The following METTL24 variants were observed in gnomAD, a reference collection of about 807,000 sequenced individuals.
METTL24 encodes methyltransferase like 24.
METTL24 carries 29 observed loss-of-function variants against 32.7 expected under a neutral mutation model. The observed-to-expected ratio is 0.89, with a 90% confidence interval of 0.66 to 1.21. The LOEUF (loss-of-function observed/expected upper bound fraction) is 1.21, where lower values mean the gene tolerates loss of function less well. Among genes scored for constraint, METTL24 ranks in the 50% most tolerant of loss-of-function variants. METTL24 has a pLI of 0.00. For synonymous variants in METTL24, 163 were observed against 179.5 expected (o/e 0.91, Z 0.73); for missense variants, 439 against 468.1 (o/e 0.94, Z 0.57).
chr6:110,262,188 T>G (rs146972933), intron 4 of METTL24, among the ~76,000 whole-genome samples: 10,883 of 152,142 alleles, frequency 0.072, 575 homozygotes, highest in African/African-American at 0.16. Context: ...GCTGGTTTTT[T>G]GAAAAGATCA....
intron 2 of METTL24, among the ~76,000 whole-genome samples, chr6:110,321,154 T>G (rs935043774): frequency 3.9e-5 from 6 of 152,088 alleles, no homozygotes; most frequent in African/African-American, 1.4e-4. Context: ...GGAGAACCAC[T>G]TGAACCTGGG....
chr6:110,253,838 A>T, intron 4 of METTL24: 1 of 1,370,966 alleles, frequency 7.3e-7, no homozygotes, highest in Non-Finnish European at 9.6e-7. Context: ...GACTATGAAT[A>T]TATTTCCATG....
chr6:110,269,957 A>G (rs987988534), intron 4 of METTL24, among the ~76,000 whole-genome samples: 12 of 152,188 alleles, frequency 7.9e-5, no homozygotes, highest in Admixed American at 2.6e-4. Flanking sequence ...ACAACAGAGA[A>G]AAGAGTAGGA....
In METTL24 at chr6:110,299,139, T is replaced by C; in HGVS notation, c.569A>G (p.Asp190Gly). The C allele has an allele frequency of 6.2e-7, 1 of 1,613,702 alleles. No individual in the cohort carries two copies. Among genetic ancestry groups the C allele is most frequent in the Non-Finnish European group, 8.5e-7 (1 of 1,179,920 alleles). ...CRLYSLGLGS[D>G]DTHFEVSMAN... ...CATGCTAACCTCAAAATGGGTATCA[T>C]CACTTCCTAGCCTATAAAGAAAGAG... The change falls in exon 4 of 5, where the codon GAT (aspartate) becomes GGT (glycine). Residue 190 changes from aspartate to glycine, a missense_variant. Physicochemically the swap from Asp to Gly is moderately conservative, Grantham distance 94 (BLOSUM62 -1). Transcript: ENST00000338882.
intron 4 of METTL24, among the ~76,000 whole-genome samples, chr6:110,268,633 T>C (rs891942384): frequency 4.6e-5 from 7 of 152,266 alleles, no homozygotes; most frequent in African/African-American, 9.6e-5. Flanking sequence ...AACTAGTGCC[T>C]CCTCTCCCAC....
intron 2 of METTL24, among the ~76,000 whole-genome samples, chr6:110,318,651 C>CAA (rs56890760): frequency 0.16 from 14,766 of 90,242 alleles, 1,070 homozygotes; most frequent in South Asian, 0.24. Flanking sequence ...GACTCTACCT[C>CAA]AAAAAAAAAA....
intron 1 of METTL24, among the ~76,000 whole-genome samples, chr6:110,327,979 C>T (rs1772045711): frequency 6.6e-6 from 1 of 152,222 alleles, no homozygotes; most frequent in South Asian, 2.1e-4. Flanking sequence ...ACCTGTACTT[C>T]CTCTTCAGAC....
At position 110,244,707 on chromosome 6, in the gene METTL24, T is replaced by C. The variant is rs959634605; in HGVS notation, c.*1239A>G. Among the ~76,000 whole-genome samples, 2 of 152,110 alleles carry C rather than the reference T, an allele frequency of 1.3e-5. No homozygotes were observed. Among genetic ancestry groups the C allele is most frequent in the Non-Finnish European group, 2.9e-5 (2 of 68,004 alleles). On this transcript the variant is annotated 3_prime_UTR_variant, in exon 5 of 5. Transcript: ENST00000338882. Reference sequence around the variant, plus strand: ...TCTCATGAGAACTTACTCAGTATCATGAGAATAGCATGGAGGAAACCAACC... The same window carrying C: ...TCTCATGAGAACTTACTCAGTATCACGAGAATAGCATGGAGGAAACCAACC...
chr6:110,253,933 G>A, intron 4 of METTL24: 1 of 1,456,704 alleles, frequency 6.9e-7, no homozygotes, highest in Non-Finnish European at 9.1e-7. Context: ...CAGGTCCCCA[G>A]GAGGGGTGAG....
At chr6:110,349,200 C>T (rs6937074) in intron 1 of METTL24, among the ~76,000 whole-genome samples, 6,711 of 152,262 alleles carry the variant, frequency 0.044, 497 homozygotes, top group African/African-American at 0.15. Flanking sequence ...TCTCTGACTA[C>T]GGCACACAGC....
chr6:110,249,742 C>T (rs755475757), intron 4 of METTL24, among the ~76,000 whole-genome samples: 8 of 151,812 alleles, frequency 5.3e-5, no homozygotes, highest in Non-Finnish European at 8.8e-5. Flanking sequence ...AATCAAGTGC[C>T]GATCCTAATA....
intron 4 of METTL24, among the ~76,000 whole-genome samples, chr6:110,295,004 TC>T (rs1562228253): frequency 7.5e-5 from 11 of 146,910 alleles, no homozygotes; most frequent in African/African-American, 2.6e-4. Flanking sequence ...TTTCTTTTTT[TC>T]TTTCTTTCTT....
At chr6:110,354,833 G>A (rs1381918671) in intron 1 of METTL24, among the ~76,000 whole-genome samples, 1 of 152,132 alleles carries the variant, frequency 6.6e-6, no homozygotes, top group Non-Finnish European at 1.5e-5. Context: ...TAGGGATTTG[G>A]GAAGGTTAGA....
chr6:110,300,950 G>A (rs138841484), intron 3 of METTL24, among the ~76,000 whole-genome samples: 17 of 152,286 alleles, frequency 1.1e-4, no homozygotes, highest in East Asian at 3.9e-4. Context: ...GATGTGCATT[G>A]GTTATATACA....
At chr6:110,270,633 A>G (rs559472329) in intron 4 of METTL24, among the ~76,000 whole-genome samples, 1 of 152,276 alleles carries the variant, frequency 6.6e-6, no homozygotes, top group East Asian at 1.9e-4. Context: ...GGCTTCCTTC[A>G]GGCATATAAT....
intron 4 of METTL24, among the ~76,000 whole-genome samples, chr6:110,291,016 G>T (rs989123375): frequency 2.0e-5 from 3 of 152,054 alleles, no homozygotes; most frequent in Non-Finnish European, 4.4e-5. Context: ...GTTTGGTGGG[G>T]TGCCAGTTTA....
chr6:110,349,167 A>G (rs1003368354), intron 1 of METTL24, among the ~76,000 whole-genome samples: 1 of 152,176 alleles, frequency 6.6e-6, no homozygotes, highest in African/African-American at 2.4e-5. Flanking sequence ...GACCGCTGGC[A>G]TTGCTTGCTA....
chr6:110,344,530 T>G (rs1772430002), intron 1 of METTL24, among the ~76,000 whole-genome samples: 1 of 152,182 alleles, frequency 6.6e-6, no homozygotes, highest in Non-Finnish European at 1.5e-5. Flanking sequence ...TTCTACAACT[T>G]TTATTGATGA....
chr6:110,249,787 A>G (rs1372556868), intron 4 of METTL24, among the ~76,000 whole-genome samples: 1 of 151,962 alleles, frequency 6.6e-6, no homozygotes, highest in African/African-American at 2.4e-5. Flanking sequence ...GAGAAAAACA[A>G]CTTAAGGTTA....
Sources: gnomAD v4.1 joint callset for allele counts (sites outside exome capture counted in the v4.1 genomes callset) on GRCh38, gnomAD v4.1.1 for gene constraint, MANE v1.5 for transcripts, NCBI Gene and HGNC (gene_info 2026-07-23, HGNC 2026-07-21) for gene names.